Variants in CTNNA1 observed in about 807,000 individuals in gnomAD.
The protein encoded by CTNNA1 is catenin alpha 1.
A neutral mutation model predicts 98.4 loss-of-function variants in CTNNA1; 37 were observed. That is an observed-to-expected ratio of 0.38 (90% CI 0.29 to 0.49). The LOEUF is 0.49. Ranked by LOEUF, CTNNA1 falls within the 20% of genes least tolerant of loss-of-function variation. The pLI is 0.95. For synonymous variants in CTNNA1, 404 were observed against 413.2 expected, an observed-to-expected ratio of 0.98 and a Z score of 0.27; for missense variants, 761 against 1,147.2, an observed-to-expected ratio of 0.66 and a Z score of 4.86.
intron 7 of CTNNA1, among the ~76,000 whole-genome samples, chr5:138,853,280 A>G (rs1763410262): frequency 6.6e-6 from 1 of 151,808 alleles, no homozygotes; most frequent in African/African-American, 2.4e-5. Context: ...TCCCTTGACC[A>G]CTGTTGAATT....
At chr5:138,927,742 GAAT>G (rs1764437254) in intron 13 of CTNNA1, among the ~76,000 whole-genome samples, 1 of 151,436 alleles carries the variant, frequency 6.6e-6, no homozygotes, top group African/African-American at 2.4e-5. Context: ...ATGAATGAAT[GAAT>G]GAGAGTACTC....
At chr5:138,870,865 A>C (rs981097257) in intron 7 of CTNNA1, 2 of 152,214 alleles carry the variant, frequency 1.3e-5, no homozygotes, top group South Asian at 2.1e-4. Context: ...GCTGTGCTCT[A>C]TGCTGTTAAA....
At chr5:138,773,518 C>T (rs867143529) in intron 1 of CTNNA1, among the ~76,000 whole-genome samples, 20 of 152,100 alleles carry the variant, frequency 1.3e-4, no homozygotes, top group African/African-American at 4.1e-4. Flanking sequence ...AAACAAGCTC[C>T]TTGGCACTTT....
intron 11 of CTNNA1, among the ~76,000 whole-genome samples, chr5:138,920,033 A>G (rs528827152): frequency 2.2e-5 from 3 of 135,116 alleles, no homozygotes; most frequent in East Asian, 4.4e-4. Context: ...CTGGAGTGCA[A>G]TGGTGGGATC....
chr5:138,881,074 G>A, intron 7 of CTNNA1: 2 of 456,318 alleles, frequency 4.4e-6, no homozygotes, highest in Non-Finnish European at 8.8e-6. Context: ...CAGTTGAGAT[G>A]TTGATTCCTC....
At chr5:138,756,178 AGG>A (rs1209448765) in intron 1 of CTNNA1, among the ~76,000 whole-genome samples, 1 of 151,892 alleles carries the variant, frequency 6.6e-6, no homozygotes, top group East Asian at 1.9e-4. Context: ...CTGGGATTAC[AGG>A]TGTGTGCCAA....
intron 10 of CTNNA1, among the ~76,000 whole-genome samples, chr5:138,908,391 A>G (rs1455889519): frequency 1.3e-5 from 2 of 152,226 alleles, no homozygotes; most frequent in Non-Finnish European, 2.9e-5. Flanking sequence ...AGTTGAGTTC[A>G]GGCCCTGTGC....
chr5:138,919,207 C>T (rs1762418570), intron 11 of CTNNA1, among the ~76,000 whole-genome samples: 1 of 152,126 alleles, frequency 6.6e-6, no homozygotes, highest in South Asian at 2.1e-4. Context: ...GTTGTTTTTC[C>T]CAATGAAGTA....
chr5:138,774,424 C>G (rs1049892209), intron 1 of CTNNA1, among the ~76,000 whole-genome samples: 11 of 152,122 alleles, frequency 7.2e-5, no homozygotes, highest in Non-Finnish European at 5.9e-5. Flanking sequence ...ATCTGCATCC[C>G]TGGCCTCTCT....
chr5:138,763,929 G>A (rs1164680577), intron 1 of CTNNA1, among the ~76,000 whole-genome samples: 2 of 152,152 alleles, frequency 1.3e-5, no homozygotes, highest in East Asian at 1.9e-4. Context: ...GGTGGCTCAC[G>A]CCTTTAATCC....
intron 17 of CTNNA1, among the ~76,000 whole-genome samples, chr5:138,933,134 A>T (rs1387800049): frequency 6.6e-6 from 1 of 150,748 alleles, no homozygotes; most frequent in Non-Finnish European, 1.5e-5. Context: ...ACTGTCTCAA[A>T]ACAAAACGAA....
intron 3 of CTNNA1, among the ~76,000 whole-genome samples, chr5:138,802,180 G>A (rs1204724414): frequency 2.0e-5 from 3 of 152,072 alleles, no homozygotes; most frequent in South Asian, 4.1e-4. Flanking sequence ...AACTACTTTT[G>A]AAAATTTTTT....
intron 9 of CTNNA1, among the ~76,000 whole-genome samples, chr5:138,899,517 C>T (rs1757575483): frequency 6.6e-6 from 1 of 152,170 alleles, no homozygotes; most frequent in Non-Finnish European, 1.5e-5. Context: ...ACCCTCTTTC[C>T]ATGGTGACTT....
At chr5:138,851,973 G>A (rs947734315) in intron 7 of CTNNA1, among the ~76,000 whole-genome samples, 13 of 152,028 alleles carry the variant, frequency 8.6e-5, no homozygotes, top group African/African-American at 2.4e-4. Flanking sequence ...GGAAGGCTGA[G>A]GCAGGAGAAT....
intron 16 of CTNNA1, chr5:138,931,819 C>A: frequency 1.0e-6 from 1 of 985,512 alleles, no homozygotes; most frequent in Non-Finnish European, 1.2e-6. Context: ...TCTGCGGGGT[C>A]TCAGTTCATA....
rs1259113151 is a variant in CTNNA1 at position 138,886,238 on chromosome 5, A to G, written c.1089A>G (p.Ala363=). 4 of 1,611,270 alleles carry G rather than the reference A, an allele frequency of 2.5e-6. No individual in the cohort carries two copies. The highest frequency in any genetic ancestry group is 1.6e-4 in the Middle Eastern group (1 of 6,064). ...CTGGACGTAAAGAAAGAAGTGATGC[A>G]CTCAATTCTGCAATAGATAAAATGA... The part of the protein sequence containing the change: ...GNAGRKERSD[A]LNSAIDKMTK... The change falls in exon 8 of 18, where the codon GCA becomes GCG. Residue 363 remains alanine (A), a synonymous_variant. Coordinates refer to ENST00000302763, the MANE Select transcript of CTNNA1 (RefSeq NM_001903.5).
intron 7 of CTNNA1, among the ~76,000 whole-genome samples, chr5:138,860,277 T>C (rs1209561927): frequency 6.6e-6 from 1 of 152,178 alleles, no homozygotes; most frequent in Non-Finnish European, 1.5e-5. Flanking sequence ...ATAAACCGTT[T>C]ATAGTTTGTC....
chr5:138,776,873 GGGCGGGGC>G (rs1754312899), intron 1 of CTNNA1, among the ~76,000 whole-genome samples: 1 of 134,548 alleles, frequency 7.4e-6, no homozygotes. Context: ...CCTCCCTCCC[GGGCGGGGC>G]GGCTGGCCGG....
chr5:138,781,205 G>C (rs1354484741), intron 1 of CTNNA1, among the ~76,000 whole-genome samples: 2 of 152,176 alleles, frequency 1.3e-5, no homozygotes, highest in African/African-American at 4.8e-5. Flanking sequence ...TGAATGTTGT[G>C]GAGTAGGAAA....
Sources: gnomAD v4.1 joint callset for allele counts (sites outside exome capture counted in the v4.1 genomes callset) on GRCh38, gnomAD v4.1.1 for gene constraint, MANE v1.5 for transcripts, NCBI Gene and HGNC (gene_info 2026-07-23, HGNC 2026-07-21) for gene names.